Variants in MGST2 observed in about 807,000 individuals in gnomAD.
MGST2 encodes microsomal glutathione S-transferase 2.
In MGST2, 9 loss-of-function variants were observed where a neutral mutation model predicts 16.6. That is an observed-to-expected ratio of 0.54 (90% confidence interval 0.33 to 0.95). The LOEUF is 0.95. Ranked by LOEUF, MGST2 falls within the 40% of genes least tolerant of loss-of-function variation. MGST2 has a pLI of 0.03. For synonymous variants in MGST2, 79 were observed against 68.0 expected (o/e 1.16, Z -0.79); for missense variants, 159 against 175.1 (o/e 0.91, Z 0.52).
chr4:139,744,174 A>G (rs1729252412), downstream of MGST2, among the ~76,000 whole-genome samples: 1 of 152,236 alleles, frequency 6.6e-6, no homozygotes, highest in African/African-American at 2.4e-5. Context: ...AAGGCTGACT[A>G]GGTCAGTTAA....
chr4:139,691,916 G>A (rs746788454), intron 2 of MGST2, among the ~76,000 whole-genome samples: 2 of 152,002 alleles, frequency 1.3e-5, no homozygotes, highest in Admixed American at 6.6e-5. Flanking sequence ...TAGCCAGGAC[G>A]GTCTCGATCT....
downstream of MGST2, among the ~76,000 whole-genome samples, chr4:139,708,053 G>T (rs1334079411): frequency 2.0e-5 from 3 of 152,084 alleles, no homozygotes; most frequent in African/African-American, 7.2e-5. Flanking sequence ...AGAAGCTCTT[G>T]AGTTTAATTA....
At chr4:139,705,354 A>G (rs1235380002), downstream of MGST2, among the ~76,000 whole-genome samples, 1 of 152,208 alleles carries the variant, frequency 6.6e-6, no homozygotes, top group Non-Finnish European at 1.5e-5. Flanking sequence ...GTCCTTGGGC[A>G]TGTCCAGTTA....
At position 139,695,263 on chromosome 4, in the gene MGST2, C is replaced by T. The variant is rs8192098; in HGVS notation, c.225C>T (p.Asn75=). ...ITLWMAGWYF[N]QVFATCLGLV... is the part of the protein sequence containing the mutation. The stretch of plus-strand genomic sequence containing the variant: ...TGTGGATGGCTGGGTGGTATTTCAA[C>T]CAAGGTAATGTTAAAATACAGTCAA... Residue 75 remains asparagine, a synonymous_variant, in exon 3 of 5, where the codon AAC becomes AAT. Transcript: ENST00000265498. The T allele has an allele frequency of 4.7e-3, 7,583 of 1,607,104 alleles. 25 individuals carry two copies. Among genetic ancestry groups the T allele is most frequent in the Non-Finnish European group, 5.9e-3 (6,958 of 1,173,754 alleles).
At chr4:139,669,978 G>T (rs576255846) in intron 1 of MGST2, among the ~76,000 whole-genome samples, 1 of 152,320 alleles carries the variant, frequency 6.6e-6, no homozygotes, top group South Asian at 2.1e-4. Context: ...GCTTAATCTG[G>T]TGGGAAAGTT....
intron 1 of MGST2, among the ~76,000 whole-genome samples, chr4:139,676,201 T>C (rs1286578169): frequency 6.6e-6 from 1 of 152,216 alleles, no homozygotes; most frequent in Admixed American, 6.5e-5. Context: ...CATAATTATT[T>C]TGAGATTCAC....
At chr4:139,713,358 C>T (rs151306353) in intron 5 of MGST2, among the ~76,000 whole-genome samples, 1 of 151,100 alleles carries the variant, frequency 6.6e-6, no homozygotes, top group Non-Finnish European at 1.5e-5. Flanking sequence ...GAGTCTGTGA[C>T]ACCTCCTTTG....
At chr4:139,720,624 C>A (rs977794247) in intron 5 of MGST2, among the ~76,000 whole-genome samples, 2 of 152,150 alleles carry the variant, frequency 1.3e-5, no homozygotes, top group African/African-American at 4.8e-5. Context: ...AAATTGGGAT[C>A]GTACTGTGCA....
intron 5 of MGST2, among the ~76,000 whole-genome samples, chr4:139,723,673 G>A (rs1008622207): frequency 1.3e-5 from 2 of 152,114 alleles, no homozygotes; most frequent in African/African-American, 4.8e-5. Context: ...TCTATGTTCT[G>A]TAACACAGGG....
chr4:139,725,872 G>A lies in MGST2; in HGVS notation c.*49-14340G>A, dbSNP rs184667098. On this transcript the variant is annotated intron_variant, in intron 5 of 5. Transcript: ENST00000616265. ...GAACACAAGAGGGGTGGAGAGGTGAGATAGGGAGCAAGCACACAATTCAAT... is the reference window on the plus strand; with the variant it reads ...GAACACAAGAGGGGTGGAGAGGTGAAATAGGGAGCAAGCACACAATTCAAT... The A allele has an allele frequency of 3.2e-6, 5 of 1,543,626 alleles. No individual in the cohort carries two copies. In the East Asian group the frequency reaches 1.1e-4, roughly 35 times the overall value.
At chr4:139,703,864 T>G in intron 4 of MGST2, 152 bp from the exon 5 acceptor site, 1 of 866,702 alleles carries the variant, frequency 1.2e-6, no homozygotes, top group Non-Finnish European at 1.9e-6. Flanking sequence ...GGCTAGGCAT[T>G]CCCTTTAACT....
At chr4:139,703,384 C>T (rs567526343) in intron 3 of MGST2, 71 bp from the exon 4 acceptor site, 104 of 1,237,946 alleles carry the variant, frequency 8.4e-5, no homozygotes, top group African/African-American at 4.3e-4. Flanking sequence ...TTTTCTCAGT[C>T]GTCGTACAAC....
At chr4:139,678,690 G>A (rs765711232) in intron 2 of MGST2, 48 bp downstream of exon 2, 1 of 1,417,028 alleles carries the variant, frequency 7.1e-7, no homozygotes, top group Non-Finnish European at 1.0e-6. Flanking sequence ...CTGCCATACA[G>A]ACACAATTCC....
intron 5 of MGST2, chr4:139,730,481 G>T (rs913915195): frequency 6.4e-6 from 10 of 1,553,190 alleles, no homozygotes; most frequent in Non-Finnish European, 8.7e-6. Flanking sequence ...AGGAACTGTT[G>T]CTTCTGCTGC....
intron 3 of MGST2, among the ~76,000 whole-genome samples, chr4:139,696,744 G>A (rs557053548): frequency 2.6e-5 from 4 of 152,218 alleles, no homozygotes; most frequent in South Asian, 2.1e-4. Flanking sequence ...CAGGTTTGAC[G>A]GCTTTCACAA....
chr4:139,730,249 C>G (rs1184794506), intron 5 of MGST2: 4 of 649,148 alleles, frequency 6.2e-6, no homozygotes, highest in African/African-American at 1.8e-5. Context: ...AAAACCCTAA[C>G]TAATTGAAAG....
chr4:139,709,022 G>C (rs989540605), downstream of MGST2, among the ~76,000 whole-genome samples: 3 of 106,578 alleles, frequency 2.8e-5, no homozygotes, highest in South Asian at 3.6e-4. Flanking sequence ...AAAAGAAAAA[G>C]AAAAAGAAAA....
downstream of MGST2, among the ~76,000 whole-genome samples, chr4:139,742,523 C>A (rs71606855): frequency 1.2e-4 from 19 of 152,146 alleles, no homozygotes; most frequent in Non-Finnish European, 2.4e-4. Context: ...TTATAGTAGG[C>A]GCTCATAAAG....
At chr4:139,703,385 G>T in intron 3 of MGST2, 70 bp from the exon 4 acceptor site, 2 of 1,248,218 alleles carry the variant, frequency 1.6e-6, no homozygotes, top group Non-Finnish European at 1.2e-6. Flanking sequence ...TTTCTCAGTC[G>T]TCGTACAACA....
Sources: gnomAD v4.1 joint callset for allele counts (sites outside exome capture counted in the v4.1 genomes callset) on GRCh38, gnomAD v4.1.1 for gene constraint, MANE v1.5 for transcripts, NCBI Gene and HGNC (gene_info 2026-07-23, HGNC 2026-07-21) for gene names.